EFCAB11: variants seen among roughly 807,000 people sequenced by gnomAD.
EFCAB11 encodes the protein EF-hand calcium-binding domain-containing protein 11.
Under a neutral mutation model 23.0 loss-of-function variants are expected in EFCAB11, and 14 were observed. That is an observed-to-expected ratio of 0.61 (90% CI 0.40 to 0.95). The LOEUF is 0.95. Ranked by LOEUF, EFCAB11 falls within the 40% of genes least tolerant of loss-of-function variation. The pLI, the probability that EFCAB11 is intolerant of heterozygous loss-of-function variation, is 0.00. For synonymous variants in EFCAB11, 65 were observed against 66.6 expected (o/e 0.98, Z 0.11); for missense variants, 198 against 195.8 (o/e 1.01, Z -0.07).
At position 89,883,156 on chromosome 14, in the gene EFCAB11, A is replaced by G. The variant is rs190019565; in HGVS notation, c.410+48385T>C. Among the ~76,000 whole-genome samples, 162 of 152,344 alleles carry G rather than the reference A, an allele frequency of 1.1e-3. 1 individual carries two copies. The highest frequency in any genetic ancestry group is 3.5e-3 in the African/African-American group (145 of 41,580). Reference sequence around the variant, plus strand: ...ATTTTTAGCCAAATAACCCTTTTACATTATAAATTATCCAGCTTCAGGTAT... The same window carrying G: ...ATTTTTAGCCAAATAACCCTTTTACGTTATAAATTATCCAGCTTCAGGTAT... On this transcript the variant is annotated intron_variant, in intron 5 of 5. Coordinates refer to ENST00000316738, the MANE Select transcript of EFCAB11 (RefSeq NM_145231.4).
In EFCAB11 at chr14:89,928,812, T is replaced by C. The variant is rs547013333; in HGVS notation, c.410+2729A>G. ...ATGCAATTAATTATATATTATAGAT[T>C]ACATATATAATTAAATAATTATATA... On this transcript the variant is annotated intron_variant, in intron 5 of 5. Transcript: ENST00000316738. Among the ~76,000 whole-genome samples the C allele has an allele frequency of 4.3e-3, 631 of 147,510 alleles. 2 individuals are homozygous for C. The highest frequency in any genetic ancestry group is 7.0e-3 in the Non-Finnish European group (470 of 67,110).
intron 5 of EFCAB11, among the ~76,000 whole-genome samples, chr14:89,850,428 C>T (rs561647699): frequency 1.1e-4 from 16 of 152,254 alleles, no homozygotes; most frequent in Non-Finnish European, 2.1e-4. Flanking sequence ...TAATTTTAGG[C>T]CCTACCACAA....
In EFCAB11 at chr14:89,912,649, CCT is replaced by C. The variant is rs376588164; in HGVS notation, c.410+18890_410+18891del. On this transcript the variant is annotated intron_variant, in intron 5 of 5. Coordinates refer to ENST00000316738, the MANE Select transcript of EFCAB11 (RefSeq NM_145231.4). ...AAGCCATAGGAATATTTAAATTCTC[CCT>C]GTTTTTGTCATACGTTTTAGTACTT... Among the ~76,000 whole-genome samples, 442 of 152,158 alleles carry C rather than the reference CCT, an allele frequency of 2.9e-3. 1 individual carries two copies. Among genetic ancestry groups the C allele is most frequent in the African/African-American group, 8.8e-3 (367 of 41,486 alleles).
intron 5 of EFCAB11, among the ~76,000 whole-genome samples, chr14:89,874,784 C>T (rs150967064): frequency 0.011 from 1,676 of 151,808 alleles, 23 homozygotes; most frequent in South Asian, 0.031. Flanking sequence ...CCCAGCTACT[C>T]GGGAGGCTGA....
chr14:89,817,880 G>C (rs1886385171), intron 5 of EFCAB11, among the ~76,000 whole-genome samples: 1 of 152,068 alleles, frequency 6.6e-6, no homozygotes, highest in Non-Finnish European at 1.5e-5. Flanking sequence ...TGGAGTCCCA[G>C]CTACTCAGGA....
intron 5 of EFCAB11, among the ~76,000 whole-genome samples, chr14:89,861,806 T>C (rs1165191968): frequency 2.6e-5 from 4 of 151,990 alleles, no homozygotes; most frequent in Admixed American, 2.6e-4. Flanking sequence ...TGCCATGTTA[T>C]GATGCAGCAA....
intron 5 of EFCAB11, among the ~76,000 whole-genome samples, chr14:89,853,315 T>A (rs539785068): frequency 6.6e-6 from 1 of 152,332 alleles, no homozygotes; most frequent in Admixed American, 6.5e-5. Flanking sequence ...GGAAGCTTCC[T>A]TTAATCTGAT....
intron 3 of EFCAB11, among the ~76,000 whole-genome samples, chr14:89,945,761 C>A (rs531989278): frequency 1.3e-5 from 2 of 152,224 alleles, no homozygotes; most frequent in East Asian, 1.9e-4. Context: ...GTGCTGTTCA[C>A]GTCTCCTATA....
At chr14:89,874,666 G>C (rs962969225) in intron 5 of EFCAB11, among the ~76,000 whole-genome samples, 2 of 152,172 alleles carry the variant, frequency 1.3e-5, no homozygotes, top group African/African-American at 4.8e-5. Context: ...GGGAGGCCAA[G>C]GTGGGTGGAT....
intron 5 of EFCAB11, among the ~76,000 whole-genome samples, chr14:89,881,182 C>T (rs1470568696): frequency 6.6e-6 from 1 of 151,680 alleles, no homozygotes; most frequent in Admixed American, 6.6e-5. Flanking sequence ...TTACTTGATA[C>T]TGTTTTGCCA....
At chr14:89,954,327 G>C in intron 1 of EFCAB11, 1 of 1,534,584 alleles carries the variant, frequency 6.5e-7, no homozygotes. Context: ...GGCTTTGAAA[G>C]GCGGGAGAGA....
chr14:89,886,121 T>C (rs1888764549), intron 5 of EFCAB11, among the ~76,000 whole-genome samples: 1 of 152,136 alleles, frequency 6.6e-6, no homozygotes, highest in Non-Finnish European at 1.5e-5. Context: ...CAGCCTCAAA[T>C]CTGAAGGCAG....
intron 5 of EFCAB11, among the ~76,000 whole-genome samples, chr14:89,901,773 G>T (rs969529372): frequency 1.2e-4 from 18 of 152,068 alleles, no homozygotes; most frequent in Admixed American, 3.9e-4. Flanking sequence ...ACACAATACA[G>T]AATATAATAT....
At chr14:89,884,070 T>C (rs1002304537) in intron 5 of EFCAB11, among the ~76,000 whole-genome samples, 2 of 152,160 alleles carry the variant, frequency 1.3e-5, no homozygotes, top group African/African-American at 4.8e-5. Context: ...GAGGCTATAG[T>C]GAGCCATGCT....
intron 5 of EFCAB11, among the ~76,000 whole-genome samples, chr14:89,840,897 T>C (rs1313428206): frequency 3.3e-5 from 5 of 152,222 alleles, no homozygotes; most frequent in African/African-American, 1.2e-4. Flanking sequence ...AAATGCATCA[T>C]TGTGTAAAAA....
rs186951307 is a variant in EFCAB11, at chr14:89,804,062, G to A, written c.411-6738C>T. Among the ~76,000 whole-genome samples, 13 of 152,284 alleles carry A rather than the reference G, an allele frequency of 8.5e-5. No homozygotes were observed. In the South Asian group the frequency reaches 1.7e-3, roughly 19 times the overall value. On this transcript the variant is annotated intron_variant, in intron 5 of 5. Transcript: ENST00000316738. ...TGGGGTCCCTTTGTGCCCGTCCCAC[G>A]CTATGCAACCTCCTTTGACTCCAGC... is the stretch of plus-strand genomic sequence containing the variant.
chr14:89,814,704 CA>C (rs374346075), intron 5 of EFCAB11, among the ~76,000 whole-genome samples: 1,542 of 137,874 alleles, frequency 0.011, 19 homozygotes, highest in African/African-American at 0.034. Flanking sequence ...AACTCCCTTT[CA>C]AAAAAAAAAA....
chr14:89,944,635 T>C (rs1248149273), intron 3 of EFCAB11, among the ~76,000 whole-genome samples: 1 of 152,116 alleles, frequency 6.6e-6, no homozygotes, highest in Non-Finnish European at 1.5e-5. Context: ...GAAAAAAATG[T>C]AGAAAAGGCT....
intron 5 of EFCAB11, among the ~76,000 whole-genome samples, chr14:89,822,767 T>C (rs1886568093): frequency 6.6e-6 from 1 of 152,106 alleles, no homozygotes; most frequent in Non-Finnish European, 1.5e-5. Context: ...CCTCACTGAA[T>C]ACCTACATTA....
Sources: gnomAD v4.1 joint callset for allele counts (sites outside exome capture counted in the v4.1 genomes callset) on GRCh38, gnomAD v4.1.1 for gene constraint, MANE v1.5 for transcripts, NCBI Gene and HGNC (gene_info 2026-07-23, HGNC 2026-07-21) for gene names.